PRKAR1A: variants seen among roughly 807,000 people sequenced by gnomAD.
PRKAR1A encodes the protein protein kinase cAMP-dependent type I regulatory subunit alpha.
Under a neutral mutation model 52.0 loss-of-function variants are expected in PRKAR1A, and 3 were observed. The ratio of observed to expected loss-of-function variants is 0.06; its 90% confidence interval spans 0.03 to 0.15. PRKAR1A has a LOEUF of 0.15. Among genes scored for constraint, PRKAR1A ranks in the 10% least tolerant of loss-of-function variants. PRKAR1A has a pLI of 1.00. For synonymous variants in PRKAR1A, 188 were observed against 168.4 expected (o/e 1.12, Z -0.90); for missense variants, 240 against 477.4 (o/e 0.50, Z 4.63).
At chr17:68,487,139 A>T in the PRKAR1A span, among the ~76,000 whole-genome samples, 51,208 of 151,662 alleles carry the variant, frequency 0.34, 8,782 homozygotes, top group Middle Eastern at 0.38. Context: ...CCCAAAGTGC[A>T]GGGATTACAG....
chr17:68,509,165 A>C (rs1289590948), upstream of PRKAR1A, among the ~76,000 whole-genome samples: 1 of 152,084 alleles, frequency 6.6e-6, no homozygotes, highest in Non-Finnish European at 1.5e-5. Flanking sequence ...TTTCACAAGC[A>C]TTGTAACAGC....
chr17:68,525,708 GT>G, intron 6 of PRKAR1A, 45 bp from the exon 7 acceptor site: 1 of 1,595,664 alleles, frequency 6.3e-7, no homozygotes, highest in Non-Finnish European at 8.6e-7. Context: ...ACATTTAAGT[GT>G]TTGTATCTAG....
chr17:68,430,122 C>T, the PRKAR1A span: 1 of 1,614,052 alleles, frequency 6.2e-7, no homozygotes, highest in Non-Finnish European at 8.5e-7. Flanking sequence ...AAACATCTTT[C>T]CCATGTAGCC....
At chr17:68,510,268 G>A (rs1343209281), upstream of PRKAR1A, among the ~76,000 whole-genome samples, 2 of 151,890 alleles carry the variant, frequency 1.3e-5, no homozygotes, top group African/African-American at 2.4e-5. Context: ...GTGTGGCCAT[G>A]GGCAAGTCAC....
At chr17:68,486,331 G>C in the PRKAR1A span, among the ~76,000 whole-genome samples, 33,143 of 151,506 alleles carry the variant, frequency 0.22, 3,838 homozygotes, top group South Asian at 0.25. Flanking sequence ...TTATCTTGGG[G>C]CTGCCTCTTC....
chr17:68,533,621 T>G (rs576598049), downstream of PRKAR1A, among the ~76,000 whole-genome samples: 1 of 152,244 alleles, frequency 6.6e-6, no homozygotes, highest in African/African-American at 2.4e-5. Context: ...TTTGTACTTA[T>G]GTTAGGCCCT....
chr17:68,424,402 C>T, the PRKAR1A span: 1 of 532,338 alleles, frequency 1.9e-6, no homozygotes, highest in Non-Finnish European at 3.9e-6. Context: ...TAGAGGGTTC[C>T]ACGGATCTGC....
the PRKAR1A span, chr17:68,421,930 A>G: frequency 6.9e-7 from 1 of 1,439,096 alleles, no homozygotes; most frequent in Admixed American, 1.7e-5. Context: ...GAGGCTGGGC[A>G]CTGTGGAATT....
At chr17:68,484,678 C>T in the PRKAR1A span, among the ~76,000 whole-genome samples, 118,733 of 152,100 alleles carry the variant, frequency 0.78, 47,187 homozygotes, top group African/African-American at 0.91. Flanking sequence ...AGGTTTTTCA[C>T]AGATGTCCTT....
the PRKAR1A span, among the ~76,000 whole-genome samples, chr17:68,464,313 T>C: frequency 1.3e-5 from 2 of 152,228 alleles, no homozygotes; most frequent in African/African-American, 4.8e-5. Flanking sequence ...CTGTTTCTTC[T>C]ACCTTTCCCT....
intron 2 of PRKAR1A, among the ~76,000 whole-genome samples, chr17:68,521,437 C>T (rs931633617): frequency 1.5e-4 from 23 of 152,138 alleles, no homozygotes; most frequent in African/African-American, 5.6e-4. Context: ...TACAATGTTG[C>T]CTAGGCGGGT....
In PRKAR1A at chr17:68,540,811, A is replaced by C. The variant is rs1222937052; in HGVS notation, c.974-10273A>C. The C allele has an allele frequency of 2.6e-6, 4 of 1,565,788 alleles. No homozygotes were observed. The South Asian group carries it at 4.7e-5, about 18-fold the overall frequency. ...ACGGGGAACCCTAGCCACATAGCAG[A>C]GCCCACTTCTGCTGGGGGCCTGCGT... On this transcript the variant is annotated intron_variant, in intron 11 of 11. Transcript: ENST00000585981.
At chr17:68,444,511 T>C in the PRKAR1A span, 1 of 1,613,802 alleles carries the variant, frequency 6.2e-7, no homozygotes. Flanking sequence ...TTTGCAGGAA[T>C]ATCCAGGAGG....
chr17:68,459,722 C>G, the PRKAR1A span, among the ~76,000 whole-genome samples: 1 of 152,008 alleles, frequency 6.6e-6, no homozygotes, highest in Non-Finnish European at 1.5e-5. Flanking sequence ...CTAGAAGATA[C>G]ATTTAAAAAG....
At chr17:68,433,638 C>CA in the PRKAR1A span, 21 of 1,344,042 alleles carry the variant, frequency 1.6e-5, no homozygotes, top group African/African-American at 2.9e-5. Context: ...CCTTATAACT[C>CA]AGAGATCAGC....
At chr17:68,550,149 G>T (rs887919034) in intron 11 of PRKAR1A, among the ~76,000 whole-genome samples, 3 of 152,094 alleles carry the variant, frequency 2.0e-5, no homozygotes, top group Non-Finnish European at 4.4e-5. Flanking sequence ...TTGACTCTAA[G>T]TGATGATGAC....
chr17:68,445,948 A>G, the PRKAR1A span, among the ~76,000 whole-genome samples: 5 of 152,286 alleles, frequency 3.3e-5, no homozygotes, highest in Admixed American at 2.0e-4. Flanking sequence ...TTAGACGAAT[A>G]CCAGGTGATT....
At chr17:68,505,135 C>A in the PRKAR1A span, among the ~76,000 whole-genome samples, 4 of 151,926 alleles carry the variant, frequency 2.6e-5, no homozygotes, top group South Asian at 4.1e-4. Flanking sequence ...TTTCTACCCC[C>A]CAAAATACAA....
intron 11 of PRKAR1A, among the ~76,000 whole-genome samples, chr17:68,543,452 A>G (rs762807308): frequency 2.0e-5 from 3 of 152,104 alleles, no homozygotes; most frequent in Non-Finnish European, 2.9e-5. Context: ...GTGTTTTTCA[A>G]TCTGGGGGGT....
Sources: gnomAD v4.1 joint callset for allele counts (sites outside exome capture counted in the v4.1 genomes callset) on GRCh38, gnomAD v4.1.1 for gene constraint, MANE v1.5 for transcripts, NCBI Gene and HGNC (gene_info 2026-07-23, HGNC 2026-07-21) for gene names.